FOXP2: variants seen among roughly 807,000 people sequenced by gnomAD.
FOXP2 encodes the protein forkhead box P2, also known as forkhead box protein P2.
Under a neutral mutation model 115.8 loss-of-function variants are expected in FOXP2, and 12 were observed. The ratio of observed to expected loss-of-function variants is 0.10; its 90% CI spans 0.07 to 0.17. The LOEUF is 0.17. FOXP2 is among the 10% of genes least tolerant of loss of function. The pLI, the probability that FOXP2 is intolerant of heterozygous loss-of-function variation, is 1.00. For synonymous variants in FOXP2, 328 were observed against 297.7 expected, an observed-to-expected ratio of 1.10 and a Z score of -1.05; for missense variants, 629 against 843.5, an observed-to-expected ratio of 0.75 and a Z score of 3.15.
intron 4 of FOXP2, chr7:114,629,516 T>A: frequency 7.9e-7 from 1 of 1,270,724 alleles, no homozygotes; most frequent in African/African-American, 1.5e-5. Context: ...TCAGTAGGAC[T>A]TCAGATGTAA....
At chr7:114,265,079 C>G (rs1795863439) in intron 1 of FOXP2, among the ~76,000 whole-genome samples, 1 of 152,142 alleles carries the variant, frequency 6.6e-6, no homozygotes, top group Non-Finnish European at 1.5e-5. Flanking sequence ...TCATGTCCTT[C>G]TTACATTGTA....
chr7:114,546,564 C>T (rs1446928465), intron 3 of FOXP2, among the ~76,000 whole-genome samples: 2 of 152,036 alleles, frequency 1.3e-5, no homozygotes, highest in African/African-American at 2.4e-5. Flanking sequence ...TGTTTTTGTT[C>T]CTGCTTCTCA....
upstream of FOXP2, among the ~76,000 whole-genome samples, chr7:114,162,733 A>G (rs185007300): frequency 6.6e-6 from 1 of 152,236 alleles, no homozygotes; most frequent in Admixed American, 6.5e-5. Context: ...TAGCCATAAA[A>G]AGGAAAAAGA....
chr7:114,198,139 C>T (rs1290577139), intron 1 of FOXP2, among the ~76,000 whole-genome samples: 1 of 152,138 alleles, frequency 6.6e-6, no homozygotes, highest in Non-Finnish European at 1.5e-5. Flanking sequence ...TCTGGGATTA[C>T]AGGCATGAGC....
chr7:114,232,016 A>G (rs917981198), intron 1 of FOXP2, among the ~76,000 whole-genome samples: 1 of 152,206 alleles, frequency 6.6e-6, no homozygotes, highest in African/African-American at 2.4e-5. Context: ...CAGTGGCAAA[A>G]AAACAAATAA....
intron 8 of FOXP2, among the ~76,000 whole-genome samples, chr7:114,649,285 G>A (rs572148309): frequency 1.3e-5 from 2 of 152,142 alleles, no homozygotes; most frequent in East Asian, 1.9e-4. Context: ...TATGACATAG[G>A]CAATATATCA....
intron 1 of FOXP2, among the ~76,000 whole-genome samples, chr7:114,426,288 G>A (rs1049806999): frequency 3.3e-5 from 5 of 151,670 alleles, no homozygotes; most frequent in Admixed American, 6.6e-5. Flanking sequence ...AAATGTAACC[G>A]CACAAAAATT....
At position 114,689,919 on chromosome 7, in the gene FOXP2, T is replaced by C. The variant is rs140766407; in HGVS notation, c.2141T>C (p.Leu714Pro). Residue 714 changes from leucine (L) to proline (P), a missense_variant, in exon 17 of 17, where the codon CTG (leucine) becomes CCG (proline). This residue lies in a region of FOXP2 where 117 missense variants were observed against 112.3 expected (regional missense o/e 1.04). Coordinates refer to ENST00000350908, the MANE Select transcript of FOXP2 (RefSeq NM_014491.4). ...GAAGAAGAGCCTTTATCTGAAGATC[T>C]GGAATGAGAACTGACTTGTGAAACC... Reference protein sequence around the residue: ...EIEEEPLSEDLE With the variant: ...EIEEEPLSEDPE The C allele has an allele frequency of 2.2e-5, 35 of 1,613,006 alleles. No homozygotes were observed. Among genetic ancestry groups the C allele is most frequent in the Non-Finnish European group, 2.7e-5 (32 of 1,179,382 alleles).
chr7:114,114,393 C>T (rs1335521548), intron 1 of FOXP2, among the ~76,000 whole-genome samples: 1 of 151,938 alleles, frequency 6.6e-6, no homozygotes, highest in Non-Finnish European at 1.5e-5. Context: ...GATACAGGGG[C>T]TAGATCCTTG....
chr7:114,284,892 C>G (rs1431428149), intron 1 of FOXP2, among the ~76,000 whole-genome samples: 1 of 152,084 alleles, frequency 6.6e-6, no homozygotes, highest in South Asian at 2.1e-4. Flanking sequence ...AGGGATGGAA[C>G]TGGAGGCCAT....
chr7:114,303,837 T>C (rs758663784), intron 2 of FOXP2, among the ~76,000 whole-genome samples: 36 of 152,132 alleles, frequency 2.4e-4, no homozygotes, highest in Non-Finnish European at 2.8e-4. Flanking sequence ...TATATAAAAG[T>C]AGAACATTGA....
At chr7:114,221,567 TC>T (rs1263633264) in intron 1 of FOXP2, among the ~76,000 whole-genome samples, 1 of 151,978 alleles carries the variant, frequency 6.6e-6, no homozygotes, top group Non-Finnish European at 1.5e-5. Context: ...ATTACCCCCC[TC>T]CCCCAGCCAT....
At chr7:114,386,155 C>T (rs950072529) in intron 2 of FOXP2, among the ~76,000 whole-genome samples, 2 of 152,040 alleles carry the variant, frequency 1.3e-5, no homozygotes, top group East Asian at 1.9e-4. Flanking sequence ...GGTGGGTCTG[C>T]GACAGTGGCA....
chr7:114,453,951 G>T (rs1293922241), intron 2 of FOXP2, among the ~76,000 whole-genome samples: 5 of 152,026 alleles, frequency 3.3e-5, no homozygotes, highest in Admixed American at 3.3e-4. Flanking sequence ...TCAGGACATA[G>T]GCATGGGCAA....
chr7:114,139,596 A>C (rs912282984), intron 1 of FOXP2, among the ~76,000 whole-genome samples: 2 of 152,198 alleles, frequency 1.3e-5, no homozygotes, highest in Non-Finnish European at 2.9e-5. Flanking sequence ...TGACTGGTCA[A>C]ATATTCTCCA....
At chr7:114,624,417 A>G (rs1303597556) in intron 3 of FOXP2, among the ~76,000 whole-genome samples, 1 of 151,914 alleles carries the variant, frequency 6.6e-6, no homozygotes, top group East Asian at 1.9e-4. Flanking sequence ...TTTATACTGT[A>G]AATGTCATCT....
intron 2 of FOXP2, among the ~76,000 whole-genome samples, chr7:114,295,539 G>C (rs185962324): frequency 6.6e-6 from 1 of 152,044 alleles, no homozygotes; most frequent in Non-Finnish European, 1.5e-5. Context: ...GAATGTTTTC[G>C]TTTTTTTCCC....
intron 1 of FOXP2, among the ~76,000 whole-genome samples, chr7:114,248,447 G>A (rs1257427245): frequency 6.6e-6 from 1 of 152,026 alleles, no homozygotes; most frequent in Non-Finnish European, 1.5e-5. Flanking sequence ...CCATCACAAT[G>A]AGAGAAAAAC....
upstream of FOXP2, among the ~76,000 whole-genome samples, chr7:114,413,486 C>A (rs556927246): frequency 5.2e-4 from 79 of 151,658 alleles, no homozygotes; most frequent in African/African-American, 1.7e-3. Flanking sequence ...TAAAAAAAAA[C>A]CAATATAAAC....
Sources: allele counts gnomAD v4.1 joint callset (sites outside exome capture counted in the v4.1 genomes callset), GRCh38; gene constraint gnomAD v4.1.1; regional missense constraint gnomAD v4.1.1; transcripts MANE v1.5; gene names NCBI Gene and HGNC (gene_info 2026-07-23, HGNC 2026-07-21).